CACNA1B: variants seen among roughly 807,000 people sequenced by gnomAD.
CACNA1B encodes voltage-dependent N-type calcium channel subunit alpha-1B.
In CACNA1B, 70 loss-of-function variants were observed where a neutral mutation model predicts 247.2. The ratio of observed to expected loss-of-function variants is 0.28; its 90% CI spans 0.23 to 0.35. The LOEUF (loss-of-function observed/expected upper bound fraction) is 0.35, where lower values mean the gene tolerates loss of function less well. CACNA1B is among the 10% of genes least tolerant of loss of function. The pLI, the probability that CACNA1B is intolerant of heterozygous loss-of-function variation, is 1.00. For synonymous variants in CACNA1B, 1,231 were observed against 1,294.4 expected, an observed-to-expected ratio of 0.95 and a Z score of 1.05; for missense variants, 2,367 against 3,197.4, an observed-to-expected ratio of 0.74 and a Z score of 6.26.
intron 3 of CACNA1B, among the ~76,000 whole-genome samples, chr9:137,909,233 A>T (rs1195986517): frequency 2.0e-5 from 3 of 151,768 alleles, no homozygotes; most frequent in African/African-American, 4.8e-5. Context: ...TAGGTGATCC[A>T]CCTGCCTCAG....
At chr9:137,897,467 C>G (rs1268477676) in intron 3 of CACNA1B, among the ~76,000 whole-genome samples, 1 of 152,026 alleles carries the variant, frequency 6.6e-6, no homozygotes, top group Non-Finnish European at 1.5e-5. Context: ...GTACTCCCAG[C>G]TACTCAGGAG....
chr9:138,055,933 G>A (rs1479234718), intron 26 of CACNA1B, among the ~76,000 whole-genome samples: 1 of 152,084 alleles, frequency 6.6e-6, no homozygotes, highest in Admixed American at 6.5e-5. Flanking sequence ...GGCTGAGGCA[G>A]GCGAATCGCT....
intron 6 of CACNA1B, among the ~76,000 whole-genome samples, chr9:137,935,381 G>C (rs541078630): frequency 5.9e-5 from 9 of 152,194 alleles, no homozygotes. Flanking sequence ...GCGATAGTTT[G>C]CTCAGAATGA....
rs1193500736 is a variant in CACNA1B, at chr9:137,973,583, A to T, written c.1543+1991A>T. Among the ~76,000 whole-genome samples, 2 of 152,166 alleles carry T rather than the reference A, an allele frequency of 1.3e-5. No homozygotes were observed. The highest frequency in any genetic ancestry group is 2.9e-5 in the Non-Finnish European group (2 of 68,032). On this transcript the variant is annotated intron_variant, in intron 11 of 46. Coordinates refer to ENST00000371372, the MANE Select transcript of CACNA1B (RefSeq NM_000718.4). The surrounding 1 kb of genome is among the most constrained non-coding windows in gnomAD (Gnocchi z 4.1). ...ACTTGCTCACCCTCCCTCTGCTCCC[A>T]TAGCACACCATCCTCTTGGAAGACA...
At chr9:137,936,137 G>T (rs1027565666) in intron 6 of CACNA1B, among the ~76,000 whole-genome samples, 1 of 152,200 alleles carries the variant, frequency 6.6e-6, no homozygotes, top group South Asian at 2.1e-4. Flanking sequence ...GATTACAGGC[G>T]TGAGCCACTG....
Position 138,073,361 on chromosome 9 carries a change from G to T in CACNA1B, c.4675-127G>T, listed in dbSNP as rs2131312995. ...CTTAGACTGTGAAGCAGAGACCTTT[G>T]ATTTTAATCTTTTTAACCACTTTTC... On this transcript the variant is annotated intron_variant, in intron 32 of 46. Coordinates refer to ENST00000371372, the MANE Select transcript of CACNA1B (RefSeq NM_000718.4). This position sits in a 1 kb window ranked among gnomAD's most constrained non-coding sequence, Gnocchi z 6.4. The T allele has an allele frequency of 1.6e-6, 1 of 637,362 alleles. No individual in the cohort carries two copies. 39.5% of individuals were successfully genotyped at this position (637,362 alleles called of 1,614,324 possible).
chr9:138,111,556 A>G (rs1961630574), intron 39 of CACNA1B, among the ~76,000 whole-genome samples: 1 of 152,244 alleles, frequency 6.6e-6, no homozygotes, highest in African/African-American at 2.4e-5. Context: ...GCACACCTTG[A>G]CGGTGCTGCT....
In CACNA1B at chr9:138,073,498, T is replaced by C; in HGVS notation, c.4685T>C (p.Ile1562Thr). The C allele has an allele frequency of 6.2e-7, 1 of 1,610,344 alleles. No homozygotes were observed. The highest frequency in any genetic ancestry group is 8.5e-7 in the Non-Finnish European group (1 of 1,176,662). ...VTEIAETNNF[I>T]NLSFLRLFRA... The stretch of plus-strand genomic sequence containing the variant: ...TCCTCTTCTCTGCAGAACAATTTCA[T>C]CAACCTCAGCTTCCTCCGCCTCTTT... The change falls in exon 33 of 47, where the codon ATC becomes ACC. Residue 1562 changes from isoleucine (I) to threonine (T), a missense_variant. Physicochemically the swap from Ile to Thr is moderately conservative, Grantham distance 89. Transcript: ENST00000371372. The surrounding 1 kb of genome is among the most constrained non-coding windows in gnomAD (Gnocchi z 6.4).
At chr9:138,119,006 C>T (rs909353769) in intron 44 of CACNA1B, among the ~76,000 whole-genome samples, 6 of 152,098 alleles carry the variant, frequency 3.9e-5, no homozygotes, top group Admixed American at 6.5e-5. Flanking sequence ...GGGTCAGGTC[C>T]GGTAGAGGAC....
chr9:137,971,699 C>A lies in CACNA1B; in HGVS notation c.1543+107C>A. 2 of 901,542 alleles carry A rather than the reference C, an allele frequency of 2.2e-6. No individual in the cohort carries two copies. Among genetic ancestry groups the A allele is most frequent in the Non-Finnish European group, 1.7e-6 (1 of 582,742 alleles). 55.8% of individuals were successfully genotyped at this position (901,542 alleles called of 1,614,324 possible). A position where few individuals can be genotyped will look rare whatever the true frequency, so the allele number is the denominator to read the frequency against. On this transcript the variant is annotated intron_variant, in intron 11 of 46. Coordinates refer to ENST00000371372, the MANE Select transcript of CACNA1B (RefSeq NM_000718.4). This position sits in a 1 kb window ranked among gnomAD's most constrained non-coding sequence, Gnocchi z 4.4. Reference sequence around the variant, plus strand: ...TACCCCAGGTGGGACGGGACCCACCCCCATGTTGCTCAAAGTATCCCACAG... The same window carrying A: ...TACCCCAGGTGGGACGGGACCCACCACCATGTTGCTCAAAGTATCCCACAG...
At chr9:138,066,828 A>G (rs1188585762) in intron 31 of CACNA1B, among the ~76,000 whole-genome samples, 3 of 152,226 alleles carry the variant, frequency 2.0e-5, no homozygotes, top group African/African-American at 7.2e-5. Flanking sequence ...ATCTAACTTT[A>G]AAAGTTAGAA....
chr9:137,944,889 A>G (rs1957777452), intron 6 of CACNA1B, among the ~76,000 whole-genome samples: 1 of 152,134 alleles, frequency 6.6e-6, no homozygotes, highest in Non-Finnish European at 1.5e-5. Flanking sequence ...GGAGTTATAC[A>G]GGGGTGGTTG....
intron 36 of CACNA1B, among the ~76,000 whole-genome samples, chr9:138,093,175 T>C (rs1960935568): frequency 6.6e-6 from 1 of 151,770 alleles, no homozygotes; most frequent in South Asian, 2.1e-4. Context: ...ATCTCAACAC[T>C]TTTGGAGGCC....
chr9:138,020,172 C>T lies in CACNA1B; in HGVS notation c.2268-2839C>T, dbSNP rs1404575705. Among the ~76,000 whole-genome samples the T allele has an allele frequency of 1.3e-5, 2 of 151,542 alleles. No individual in the cohort carries two copies. Among genetic ancestry groups the T allele is most frequent in the Admixed American group, 6.6e-5 (1 of 15,196 alleles). On this transcript the variant is annotated intron_variant, in intron 18 of 46. Transcript: ENST00000371372. The surrounding 1 kb of genome is among the most constrained non-coding windows in gnomAD (Gnocchi z 4.1). The stretch of plus-strand genomic sequence containing the variant: ...CACCAGGGCTGCTTCATATTGTCAG[C>T]AGTTCCGGGTTGTCTGAGCCCAGAG...
At chr9:138,107,502 T>G (rs575461652) in intron 39 of CACNA1B, among the ~76,000 whole-genome samples, 38 of 152,228 alleles carry the variant, frequency 2.5e-4, no homozygotes, top group African/African-American at 8.7e-4. Context: ...TTCTGATTCA[T>G]GCCTTCTCTT....
intron 6 of CACNA1B, among the ~76,000 whole-genome samples, chr9:137,948,463 C>T (rs898018832): frequency 2.0e-5 from 3 of 152,102 alleles, no homozygotes; most frequent in Admixed American, 1.3e-4. Context: ...TTCCACATCC[C>T]CTTCATTCTC....
chr9:137,886,248 G>A (rs552567835), intron 3 of CACNA1B, among the ~76,000 whole-genome samples: 8 of 151,456 alleles, frequency 5.3e-5, no homozygotes, highest in Non-Finnish European at 1.2e-4. Flanking sequence ...ACAGGGGTCC[G>A]GTTGTGTCTG....
At chr9:138,082,468 A>G (rs868454330) in intron 36 of CACNA1B, among the ~76,000 whole-genome samples, 3 of 151,488 alleles carry the variant, frequency 2.0e-5, no homozygotes, top group Middle Eastern at 6.8e-3. Context: ...TTGATTGGTT[A>G]CAGCTTAGCG....
At chr9:138,049,969 G>T (rs1220386709) in intron 24 of CACNA1B, 1 of 732,846 alleles carries the variant, frequency 1.4e-6, no homozygotes, top group Non-Finnish European at 2.1e-6. Context: ...ACCCCTAGTG[G>T]ACGACAGACA....
Sources: gnomAD v4.1 joint callset for allele counts (sites outside exome capture counted in the v4.1 genomes callset) on GRCh38, gnomAD v4.1.1 for gene constraint, Gnocchi (gnomAD v3.1) non-coding constraint, MANE v1.5 for transcripts, NCBI Gene and HGNC (gene_info 2026-07-23, HGNC 2026-07-21) for gene names.